TRIM71: variants seen among roughly 807,000 people sequenced by gnomAD.
TRIM71 encodes the protein tripartite motif containing 71.
TRIM71 carries 9 observed loss-of-function variants against 61.2 expected under a neutral mutation model. The observed-to-expected ratio is 0.15, with a 90% CI of 0.09 to 0.26. The LOEUF (loss-of-function observed/expected upper bound fraction) is 0.26. Ranked by LOEUF, TRIM71 falls within the 10% of genes least tolerant of loss-of-function variation. The pLI is 1.00. For synonymous variants in TRIM71, 645 were observed against 553.2 expected (o/e 1.17, Z -2.33); for missense variants, 998 against 1,238.7 (o/e 0.81, Z 2.92).
intron 1 of TRIM71, among the ~76,000 whole-genome samples, chr3:32,829,770 T>C (rs1215501648): frequency 6.6e-6 from 1 of 152,066 alleles, no homozygotes; most frequent in African/African-American, 2.4e-5. Flanking sequence ...TGAGGCCTGG[T>C]TATGAAATGA....
chr3:32,888,318 C>G (rs1242768915), intron 3 of TRIM71, among the ~76,000 whole-genome samples: 3 of 151,614 alleles, frequency 2.0e-5, no homozygotes, highest in African/African-American at 7.3e-5. Flanking sequence ...GAGAAACTGG[C>G]CCAAGCACAG....
intron 1 of TRIM71, among the ~76,000 whole-genome samples, chr3:32,820,804 T>TG (rs1382000783): frequency 6.6e-6 from 1 of 152,230 alleles, no homozygotes; most frequent in Non-Finnish European, 1.5e-5. Flanking sequence ...CCACTCACCC[T>TG]GGGAGGTACT....
At chr3:32,821,826 C>T (rs2125673138) in intron 1 of TRIM71, among the ~76,000 whole-genome samples, 1 of 151,528 alleles carries the variant, frequency 6.6e-6, no homozygotes, top group Non-Finnish European at 1.5e-5. Flanking sequence ...GCCTGCGCCG[C>T]CGCCCGGCCA....
intron 1 of TRIM71, among the ~76,000 whole-genome samples, chr3:32,840,827 G>A (rs1696395778): frequency 6.6e-6 from 1 of 152,220 alleles, no homozygotes. Context: ...TCAGGGCTCA[G>A]CTGGGGGTGC....
rs1428531424 is a variant in TRIM71, at chr3:32,818,899, G to A, written c.819G>A (p.Glu273=). The A allele has an allele frequency of 1.2e-6, 2 of 1,612,714 alleles. No homozygotes were observed. The highest frequency in any genetic ancestry group is 1.1e-5 in the South Asian group (1 of 91,068). The change falls in exon 1 of 4, where the codon GAG becomes GAA. Residue 273 remains glutamate, a synonymous_variant. Transcript: ENST00000383763. ...TCTCCATCCTCTCAGTGTTTCCCGA[G>A]CGCCTCGGCTTCTGCCAGCACCACG... ...PPFSILSVFP[E]RLGFCQHHDD... is the part of the protein sequence containing the mutation.
rs1696093233 is a variant in TRIM71, at chr3:32,818,772, G to T, written c.692G>T (p.Arg231Leu). The change falls in exon 1 of 4, where the codon CGC becomes CTC. Residue 231 changes from arginine to leucine, a missense_variant. By Grantham distance (102) the Arg-to-Leu change is moderately radical. This residue lies in a region of TRIM71 where 527 missense variants were observed against 427.8 expected (regional missense o/e 1.23). Transcript: ENST00000383763. ...TGCGTCCGAGCGCACCAGCGCGTGC[G>T]CCTCACCAAGGACCACTACATCGAG... is the stretch of plus-strand genomic sequence containing the variant. ...DNCVRAHQRV[R>L]LTKDHYIERG... 6.2e-7 allele frequency: 1 copy of T among 1,607,418 alleles called. No individual in the cohort carries two copies. The highest frequency in any genetic ancestry group is 8.5e-7 in the Non-Finnish European group (1 of 1,178,478).
intron 1 of TRIM71, among the ~76,000 whole-genome samples, chr3:32,864,964 C>G (rs1473616367): frequency 1.3e-5 from 2 of 151,830 alleles, no homozygotes; most frequent in Non-Finnish European, 2.9e-5. Flanking sequence ...CTGCCGGAAT[C>G]CCCTCCTCTC....
intron 2 of TRIM71, among the ~76,000 whole-genome samples, 183 bp from the exon 3 acceptor site, chr3:32,885,751 G>A (rs1014323173): frequency 3.3e-5 from 5 of 152,144 alleles, no homozygotes; most frequent in African/African-American, 1.2e-4. Context: ...AACTCCTTTA[G>A]TTACATGTCA....
intron 1 of TRIM71, among the ~76,000 whole-genome samples, chr3:32,829,650 G>GTGTGTGTGTGTA (rs1440820750): frequency 2.6e-5 from 4 of 151,074 alleles, no homozygotes; most frequent in Non-Finnish European, 5.9e-5. Context: ...GTGTGTGTGT[G>GTGTGTGTGTGTA]TTTGTGTGTG....
At chr3:32,850,088 G>T (rs1159344837) in intron 1 of TRIM71, among the ~76,000 whole-genome samples, 1 of 152,210 alleles carries the variant, frequency 6.6e-6, no homozygotes, top group Non-Finnish European at 1.5e-5. Context: ...TGGCATGGAG[G>T]TTCGTTGTCT....
At chr3:32,869,191 T>A (rs1210118341) in intron 1 of TRIM71, among the ~76,000 whole-genome samples, 1 of 152,206 alleles carries the variant, frequency 6.6e-6, no homozygotes, top group East Asian at 1.9e-4. Context: ...TCCACTTTAC[T>A]TCTGTAGTGG....
At chr3:32,863,194 CCTTTTTTTTTTTTT>C (rs1278520659) in intron 1 of TRIM71, among the ~76,000 whole-genome samples, 1 of 117,664 alleles carries the variant, frequency 8.5e-6, no homozygotes, top group African/African-American at 3.3e-5. Flanking sequence ...ATTAATTGAA[CCTTTTTTTTTTTTT>C]TTTTTTTTTT....
At chr3:32,866,817 G>C (rs1466377301) in intron 1 of TRIM71, among the ~76,000 whole-genome samples, 1 of 152,160 alleles carries the variant, frequency 6.6e-6, no homozygotes, top group Non-Finnish European at 1.5e-5. Context: ...GGTGTGGTTG[G>C]TTGGCTGCTG....
intron 1 of TRIM71, among the ~76,000 whole-genome samples, chr3:32,841,315 G>A (rs1023066292): frequency 6.6e-6 from 1 of 152,088 alleles, no homozygotes; most frequent in African/African-American, 2.4e-5. Context: ...TGTATCGATA[G>A]TACCCTGAGT....
chr3:32,833,457 G>A lies in TRIM71; in HGVS notation c.852+14525G>A, dbSNP rs192270487. On this transcript the variant is annotated intron_variant, in intron 1 of 3. Coordinates refer to ENST00000383763, the MANE Select transcript of TRIM71 (RefSeq NM_001039111.3). The stretch of plus-strand genomic sequence containing the variant: ...CCTGCCTTTGCTGTGTCCTTAATCT[G>A]CTTCTGACTGGAGTGGAGGCTGCTG... 7.8e-3 allele frequency among the ~76,000 whole-genome samples: 1,178 copies of A among 151,946 alleles called. 6 individuals are homozygous for A. Among genetic ancestry groups the A allele is most frequent in the Non-Finnish European group, 0.013 (853 of 67,970 alleles).
At chr3:32,825,709 T>C (rs976821835) in intron 1 of TRIM71, among the ~76,000 whole-genome samples, 7 of 152,116 alleles carry the variant, frequency 4.6e-5, no homozygotes, top group Admixed American at 6.5e-5. Flanking sequence ...AGAAAGATAA[T>C]GATAAAGAAT....
rs1305156500 is a variant in TRIM71 at position 32,896,867 on chromosome 3, G to A, written c.*5056G>A. 6.6e-6 allele frequency: 1 copy of A among 152,168 alleles called. No individual in the cohort carries two copies. The highest frequency in any genetic ancestry group is 1.9e-4 in the East Asian group (1 of 5,196). The allele number at this position is 152,168 out of a possible 1,614,324, so 9.4% of individuals were successfully genotyped here. A position where few individuals can be genotyped will look rare whatever the true frequency, so the allele number is the denominator to read the frequency against. ...AGTGTTTACTTTCTTTAAATAACCA[G>A]CTCTGTAACTCTGTAAGTTCTTTGT... On this transcript the variant is annotated 3_prime_UTR_variant, in exon 4 of 4. Transcript: ENST00000383763.
chr3:32,824,775 C>T lies in TRIM71; in HGVS notation c.852+5843C>T, dbSNP rs73044132. On this transcript the variant is annotated intron_variant, in intron 1 of 3. Coordinates refer to ENST00000383763, the MANE Select transcript of TRIM71 (RefSeq NM_001039111.3). ...CTGGGATTTCAGTCATGAGCCACCT[C>T]GCTGGGCTAGATAGTCCTTTTCTTT... Among the ~76,000 whole-genome samples the T allele has an allele frequency of 8.0e-3, 1,211 of 152,200 alleles. 9 individuals carry two copies. The highest frequency in any genetic ancestry group is 0.01 in the Non-Finnish European group (704 of 68,004).
intron 1 of TRIM71, among the ~76,000 whole-genome samples, chr3:32,829,542 A>G (rs1020702763): frequency 4.6e-5 from 7 of 152,132 alleles, no homozygotes; most frequent in African/African-American, 1.4e-4. Flanking sequence ...AAACTGTGGC[A>G]TATCAAGGAA....
Sources: allele counts gnomAD v4.1 joint callset (sites outside exome capture counted in the v4.1 genomes callset), GRCh38; gene constraint gnomAD v4.1.1; regional missense constraint gnomAD v4.1.1; transcripts MANE v1.5; gene names NCBI Gene and HGNC (gene_info 2026-07-23, HGNC 2026-07-21).